ZMYM6: variants seen among roughly 807,000 people sequenced by gnomAD.
ZMYM6 encodes zinc finger MYM-type containing 6.
Under a neutral mutation model 134.0 loss-of-function variants are expected in ZMYM6, and 90 were observed. The ratio of observed to expected loss-of-function variants is 0.67; its 90% CI spans 0.57 to 0.80. The LOEUF (loss-of-function observed/expected upper bound fraction) is 0.80. ZMYM6 is among the 30% of genes least tolerant of loss of function. The pLI is 0.00. For missense variants in ZMYM6, 1,362 were observed against 1,533.9 expected (o/e 0.89, Z 1.87); for synonymous variants, 481 against 524.1 (o/e 0.92, Z 1.12).
intron 10 of ZMYM6, among the ~76,000 whole-genome samples, 161 bp from the exon 11 acceptor site, chr1:35,009,085 T>G (rs1443057365): frequency 6.6e-6 from 1 of 152,178 alleles, no homozygotes; most frequent in African/African-American, 2.4e-5. Context: ...CAAACCAAAC[T>G]CATACCACCT....
chr1:34,998,608 G>A (rs773729110), intron 14 of ZMYM6, among the ~76,000 whole-genome samples: 10 of 151,916 alleles, frequency 6.6e-5, no homozygotes, highest in Non-Finnish European at 1.2e-4. Flanking sequence ...GACTAAGGAG[G>A]CGGTAATGGA....
At chr1:34,993,256 C>A (rs1023426891) in intron 14 of ZMYM6, among the ~76,000 whole-genome samples, 1 of 151,944 alleles carries the variant, frequency 6.6e-6, no homozygotes, top group African/African-American at 2.4e-5. Flanking sequence ...GGACCACAGG[C>A]GTGCGCCACC....
Position 35,015,030 on chromosome 1 carries a change from T to G in ZMYM6, c.561A>C (p.Lys187Asn). 6.8e-6 allele frequency: 11 copies of G among 1,613,266 alleles called. No homozygotes were observed. Among genetic ancestry groups the G allele is most frequent in the Non-Finnish European group, 9.3e-6 (11 of 1,179,840 alleles). ...KKKPVVTIYT[K>N]SISTKCSMCQ... ...ACATACTGCACTTAGTTGAAATGCT[T>G]TTGGTATATATGGTAACAACAGGTT... is the stretch of plus-strand genomic sequence containing the variant. The change falls in exon 5 of 16, where the codon AAA becomes AAC. Residue 187 changes from lysine to asparagine, a missense_variant. Physicochemically the swap from Lys to Asn is moderately conservative, Grantham distance 94. Transcript: ENST00000357182.
chr1:34,988,129 T>C lies in ZMYM6; in HGVS notation c.2953A>G (p.Ser985Gly). The stretch of plus-strand genomic sequence containing the variant: ...AAACCAGAATACCTGCCAGTCATGC[T>C]TGCAGCCCCATCGGTACAGAGACCA... ...CVGLCTDGAA[S>G]MTGRYSGLKA... is the part of the protein sequence containing the mutation. Residue 985 changes from serine to glycine, a missense_variant, in exon 16 of 16, where the codon AGC becomes GGC. Ser to Gly is a moderately conservative substitution (Grantham distance 56). Transcript: ENST00000357182. The C allele has an allele frequency of 1.3e-6, 2 of 1,551,552 alleles. No homozygotes were observed. The highest frequency in any genetic ancestry group is 1.7e-6 in the Non-Finnish European group (2 of 1,146,972).
At chr1:35,021,737 G>A (rs1557586234) in intron 2 of ZMYM6, among the ~76,000 whole-genome samples, 1 of 152,170 alleles carries the variant, frequency 6.6e-6, no homozygotes, top group Non-Finnish European at 1.5e-5. Context: ...AGATACAAGA[G>A]TGTCAATGCA....
intron 2 of ZMYM6, among the ~76,000 whole-genome samples, chr1:35,023,334 T>C (rs1428957518): frequency 6.6e-6 from 1 of 152,170 alleles, no homozygotes. Context: ...CTCGAACTCC[T>C]GACCTCAGGT....
intron 14 of ZMYM6, among the ~76,000 whole-genome samples, chr1:35,001,298 G>A: frequency 7.1e-6 from 1 of 140,100 alleles, no homozygotes; most frequent in Non-Finnish European, 1.5e-5. Flanking sequence ...CACATTGTAA[G>A]AGCACTACAT....
chr1:34,988,811 A>G lies in ZMYM6; in HGVS notation c.2271T>C (p.Pro757=), dbSNP rs367994081. The part of the protein sequence containing the change: ...EYLKVGFIIC[P]GSKESSPRPQ... ...GCCTTGGTGAACTTTCTTTTGATCC[A>G]GGACAGATAATAAAACCAACTTTTA... Residue 757 remains proline (P), a synonymous_variant, in exon 16 of 16, where the codon CCT becomes CCC. Transcript: ENST00000357182. 1.5e-5 allele frequency: 24 copies of G among 1,556,192 alleles called. No homozygotes were observed. The African/African-American group carries it at 2.9e-4, about 19-fold the overall frequency.
At chr1:34,996,686 T>C (rs966491297) in intron 14 of ZMYM6, among the ~76,000 whole-genome samples, 1 of 152,262 alleles carries the variant, frequency 6.6e-6, no homozygotes, top group African/African-American at 2.4e-5. Context: ...AGCTGCCACA[T>C]TCTTTTTTAA....
Position 35,010,771 on chromosome 1 carries a change from A to G in ZMYM6, c.1328T>C (p.Leu443Pro). 6.4e-7 allele frequency: 1 copy of G among 1,561,474 alleles called. No individual in the cohort carries two copies. Among genetic ancestry groups the G allele is most frequent in the East Asian group, 2.2e-5 (1 of 44,596 alleles). The change falls in exon 9 of 16, where the codon CTT (leucine) becomes CCT (proline). Residue 443 changes from leucine (L) to proline (P), a missense_variant. Physicochemically the swap from Leu to Pro is moderately conservative, Grantham distance 98 (BLOSUM62 -3). Coordinates refer to ENST00000357182, the MANE Select transcript of ZMYM6 (RefSeq NM_007167.4). ...ATCTCTCTTTACCTTGTAAAAAAGA[A>G]GTTCTGGTTTTGTGGCAAATAGATG... Reference protein sequence around the residue: ...CNHLFATKPELLFYKGKMFLF... With the variant: ...CNHLFATKPEPLFYKGKMFLF...
chr1:34,991,384 C>CA (rs1488924141), intron 15 of ZMYM6, among the ~76,000 whole-genome samples: 2 of 152,002 alleles, frequency 1.3e-5, no homozygotes, highest in Non-Finnish European at 2.9e-5. Flanking sequence ...TGACTTCTAC[C>CA]AAAATAAAGG....
At chr1:35,031,622 A>G (rs1317557198) in intron 1 of ZMYM6, 193 bp downstream of exon 1, 1 of 152,026 alleles carries the variant, frequency 6.6e-6, no homozygotes, top group African/African-American at 2.4e-5. Context: ...CCCATCATTG[A>G]GGACTAACGA....
chr1:34,989,530 C>G (rs1640631989), intron 15 of ZMYM6: 1 of 151,724 alleles, frequency 6.6e-6, no homozygotes, highest in African/African-American at 2.4e-5. Context: ...ACTCTTGAGA[C>G]TACGTCTCAA....
intron 2 of ZMYM6, among the ~76,000 whole-genome samples, chr1:35,020,770 A>G (rs531795417): frequency 2.6e-5 from 4 of 152,004 alleles, no homozygotes; most frequent in Non-Finnish European, 5.9e-5. Context: ...ACAGGGTTTC[A>G]CCACATTGGC....
chr1:35,030,873 C>T (rs570895506), intron 1 of ZMYM6, 160 bp from the exon 2 acceptor site: 22 of 506,014 alleles, frequency 4.3e-5, no homozygotes, highest in Non-Finnish European at 6.8e-5. Context: ...TCTGTTCCTT[C>T]AGTAGCTACA....
chr1:35,024,198 A>T (rs1641363533), intron 2 of ZMYM6, among the ~76,000 whole-genome samples: 1 of 152,208 alleles, frequency 6.6e-6, no homozygotes, highest in African/African-American at 2.4e-5. Flanking sequence ...CAGGAAAAGG[A>T]AACCTTCTTT....
Position 35,020,467 on chromosome 1 carries a change from C to A in ZMYM6, c.94G>T (p.Glu32Ter), listed in dbSNP as rs746577636. 6.4e-7 allele frequency: 1 copy of A among 1,561,986 alleles called. No homozygotes were observed. The highest frequency in any genetic ancestry group is 1.2e-5 in the South Asian group (1 of 84,758). The change falls in exon 3 of 16, where the codon GAG becomes TAG. Residue 32 changes from glutamate (E) to a stop codon, truncating the protein, a stop_gained and splice_region_variant. Coordinates refer to ENST00000357182, the MANE Select transcript of ZMYM6 (RefSeq NM_007167.4). LOFTEE classifies it high-confidence loss of function. Reference protein sequence around the residue: ...KIKEEPDNAQEYGCVQQPKTQ... With the variant: ...KIKEEPDNAQ ...TTTGGCTGTTGGACACATCCATACT[C>A]CTTTAAAAAAAAAAAGAAAAGAGAA...
chr1:35,013,263 T>C, intron 6 of ZMYM6: 2 of 804,668 alleles, frequency 2.5e-6, no homozygotes, highest in Non-Finnish European at 1.5e-6. Context: ...AAAGTTTAAA[T>C]TAACAGATGA....
At position 35,011,981 on chromosome 1, in the gene ZMYM6, C is replaced by T; in HGVS notation, c.971G>A (p.Cys324Tyr). Residue 324 changes from cysteine to tyrosine, a missense_variant, in exon 8 of 16, where the codon TGT becomes TAT. Transcript: ENST00000357182. ...ATACTGAGGGATTGCTGAGGTTTTA[C>T]AACTATGACATGAAACCTGGACACC... is the stretch of plus-strand genomic sequence containing the variant. The part of the protein sequence containing the change: ...SSGVQVSCHS[C>Y]KTSAIPQYHL... 1 of 1,605,768 alleles carries T rather than the reference C, an allele frequency of 6.2e-7. No individual in the cohort carries two copies. Among genetic ancestry groups the T allele is most frequent in the Non-Finnish European group, 8.5e-7 (1 of 1,175,104 alleles).
Sources: gnomAD v4.1 joint callset for allele counts (sites outside exome capture counted in the v4.1 genomes callset) on GRCh38, gnomAD v4.1.1 for gene constraint, MANE v1.5 for transcripts, NCBI Gene and HGNC (gene_info 2026-07-23, HGNC 2026-07-21) for gene names.